Variants in SPAG16 observed in about 807,000 individuals in gnomAD.
SPAG16 encodes the protein sperm associated antigen 16.
In SPAG16, 86 loss-of-function variants were observed where a neutral mutation model predicts 80.4. The observed-to-expected ratio is 1.07, with a 90% CI of 0.90 to 1.28. The LOEUF is 1.28. Among genes scored for constraint, SPAG16 ranks in the 50% most tolerant of loss-of-function variants. The pLI is 0.00. For synonymous variants in SPAG16, 294 were observed against 265.9 expected, an observed-to-expected ratio of 1.11 and a Z score of -1.03; for missense variants, 870 against 765.3, an observed-to-expected ratio of 1.14 and a Z score of -1.61.
At chr2:213,404,459 AG>A (rs1408115232) in intron 9 of SPAG16, among the ~76,000 whole-genome samples, 1 of 152,222 alleles carries the variant, frequency 6.6e-6, no homozygotes, top group Non-Finnish European at 1.5e-5. Context: ...CAATGGGGAA[AG>A]GATTCCCTAT....
chr2:214,184,955 T>C, intron 15 of SPAG16, among the ~76,000 whole-genome samples: 1 of 152,124 alleles, frequency 6.6e-6, no homozygotes, highest in East Asian at 1.9e-4. Context: ...TTTTTGCTTT[T>C]GCATTTAGAA....
At chr2:213,796,561 G>A (rs2071044038) in intron 10 of SPAG16, among the ~76,000 whole-genome samples, 1 of 152,054 alleles carries the variant, frequency 6.6e-6, no homozygotes, top group Non-Finnish European at 1.5e-5. Context: ...ACTGTATGTA[G>A]GATGATGATC....
intron 10 of SPAG16, among the ~76,000 whole-genome samples, chr2:213,838,001 C>T (rs377616079): frequency 4.6e-4 from 70 of 152,052 alleles, no homozygotes; most frequent in African/African-American, 1.5e-3. Context: ...CTGTCTCCAA[C>T]GTCATATTTT....
At chr2:214,047,359 A>T (rs2125117980) in intron 13 of SPAG16, among the ~76,000 whole-genome samples, 1 of 152,276 alleles carries the variant, frequency 6.6e-6, no homozygotes, top group South Asian at 2.1e-4. Context: ...AGACCAATGG[A>T]ACAGAATAGA....
intron 15 of SPAG16, among the ~76,000 whole-genome samples, chr2:214,231,564 C>G (rs1235471305): frequency 6.6e-6 from 1 of 151,810 alleles, no homozygotes; most frequent in Non-Finnish European, 1.5e-5. Context: ...TTCTATTTTC[C>G]TATTAAAATA....
At chr2:214,033,684 AT>A (rs971390287) in intron 13 of SPAG16, among the ~76,000 whole-genome samples, 53 of 151,602 alleles carry the variant, frequency 3.5e-4, no homozygotes, top group African/African-American at 1.1e-3. Context: ...ACATTTTACT[AT>A]TTTTTTTTAT....
At chr2:214,383,335 G>A (rs531639102) in intron 15 of SPAG16, among the ~76,000 whole-genome samples, 2 of 152,244 alleles carry the variant, frequency 1.3e-5, no homozygotes, top group Middle Eastern at 3.4e-3. Flanking sequence ...CACTTCGGTA[G>A]GCTGTGGCAG....
At chr2:213,298,229 AG>A (rs899534306) in intron 3 of SPAG16, among the ~76,000 whole-genome samples, 3 of 152,188 alleles carry the variant, frequency 2.0e-5, no homozygotes, top group Admixed American at 6.5e-5. Flanking sequence ...TTGTAAATGG[AG>A]GGCTGCAGCT....
intron 13 of SPAG16, among the ~76,000 whole-genome samples, chr2:214,042,185 G>A (rs1018792815): frequency 6.7e-6 from 1 of 150,334 alleles, no homozygotes; most frequent in Non-Finnish European, 1.5e-5. Context: ...TCCTGGGTTC[G>A]TGGGTCCAAG....
chr2:213,938,268 A>G (rs1171492359), intron 12 of SPAG16, among the ~76,000 whole-genome samples: 2 of 152,024 alleles, frequency 1.3e-5, no homozygotes, highest in African/African-American at 4.8e-5. Context: ...GATGACTAAA[A>G]GGGTTTAGTA....
chr2:214,291,327 A>T, intron 15 of SPAG16, among the ~76,000 whole-genome samples: 2 of 47,926 alleles, frequency 4.2e-5, no homozygotes, highest in Non-Finnish European at 3.6e-5. Flanking sequence ...TTTTTTTGAG[A>T]CGGAGTCTTG....
chr2:214,314,671 G>A (rs1695555434), intron 15 of SPAG16, among the ~76,000 whole-genome samples: 1 of 152,122 alleles, frequency 6.6e-6, no homozygotes, highest in Admixed American at 6.5e-5. Context: ...GTTTAATAAA[G>A]GCATGGGCAG....
intron 13 of SPAG16, among the ~76,000 whole-genome samples, chr2:214,036,040 T>C (rs1054677745): frequency 2.0e-5 from 3 of 152,266 alleles, no homozygotes; most frequent in South Asian, 2.1e-4. Context: ...ATGGTTGTTA[T>C]GATAATTTTT....
intron 15 of SPAG16, among the ~76,000 whole-genome samples, chr2:214,318,697 A>G (rs1695871071): frequency 6.6e-6 from 1 of 152,068 alleles, no homozygotes. Context: ...CTCTTTAACA[A>G]TCAGGCTTTA....
intron 7 of SPAG16, among the ~76,000 whole-genome samples, chr2:213,351,542 CA>C (rs2065326195): frequency 6.6e-6 from 1 of 152,040 alleles, no homozygotes; most frequent in Admixed American, 6.6e-5. Context: ...GAAAAAGAAA[CA>C]AAATGTTTAT....
chr2:214,089,316 C>T (rs979898661), intron 13 of SPAG16, among the ~76,000 whole-genome samples: 5 of 152,232 alleles, frequency 3.3e-5, no homozygotes, highest in East Asian at 1.9e-4. Flanking sequence ...ATTTCCTCAA[C>T]AGGGTATTTT....
intron 10 of SPAG16, among the ~76,000 whole-genome samples, chr2:213,542,645 A>G (rs1311287778): frequency 1.3e-5 from 2 of 152,142 alleles, no homozygotes; most frequent in African/African-American, 4.8e-5. Flanking sequence ...GTATAAGAAT[A>G]TTGCGAATTA....
At chr2:214,000,966 A>G (rs1052123284) in intron 12 of SPAG16, among the ~76,000 whole-genome samples, 1 of 152,172 alleles carries the variant, frequency 6.6e-6, no homozygotes, top group Non-Finnish European at 1.5e-5. Context: ...CTAGAGCTAG[A>G]GATCTTGCCT....
intron 10 of SPAG16, among the ~76,000 whole-genome samples, chr2:213,690,324 C>A (rs536127357): frequency 4.6e-5 from 7 of 152,356 alleles, no homozygotes; most frequent in African/African-American, 1.7e-4. Flanking sequence ...AAGTCACCAG[C>A]AGATTTGGCT....
Sources: gnomAD v4.1 joint callset for allele counts (sites outside exome capture counted in the v4.1 genomes callset) on GRCh38, gnomAD v4.1.1 for gene constraint, MANE v1.5 for transcripts, NCBI Gene and HGNC (gene_info 2026-07-23, HGNC 2026-07-21) for gene names.